The following CLCN6 variants were observed in gnomAD, a reference collection of about 807,000 sequenced individuals.
CLCN6 encodes H(+)/Cl(-) exchange transporter 6.
Under a neutral mutation model 109.8 loss-of-function variants are expected in CLCN6, and 70 were observed. That is an observed-to-expected ratio of 0.64 (90% CI 0.53 to 0.78). The LOEUF is 0.78. Ranked by LOEUF, CLCN6 falls within the 30% of genes least tolerant of loss-of-function variation. The probability of loss-of-function intolerance (pLI) is 0.00; values close to 1 mark genes in which losing one functional copy is unlikely to be tolerated. For missense variants in CLCN6, 984 were observed against 1,142.3 expected (o/e 0.86, Z 2.00); for synonymous variants, 444 against 447.8 (o/e 0.99, Z 0.11).
At chr1:11,816,068 C>A in intron 3 of CLCN6, 157 bp downstream of exon 3, 1 of 603,846 alleles carries the variant, frequency 1.7e-6, no homozygotes, top group South Asian at 2.1e-5. Context: ...TGCTTTATTT[C>A]ACCTCGCAGG....
At position 11,833,564 on chromosome 1, in the gene CLCN6, A is replaced by T; in HGVS notation, c.1298A>T (p.Asp433Val). Residue 433 changes from aspartate to valine, a missense_variant, in exon 14 of 23, where the codon GAT (aspartate) becomes GTT (valine). Asp to Val is a radical substitution (Grantham distance 152). Coordinates refer to ENST00000346436, the MANE Select transcript of CLCN6 (RefSeq NM_001286.5). ...SSIKTFFCPN[D>V]TYNDMATLFF... ...ATCAAGACATTTTTTTGTCCCAATGATACCTACAATGACATGGCCACACTC... is the reference window on the plus strand; with the variant it reads ...ATCAAGACATTTTTTTGTCCCAATGTTACCTACAATGACATGGCCACACTC... 6.2e-7 allele frequency: 1 copy of T among 1,613,928 alleles called. No homozygotes were observed.
chr1:11,823,035 G>C (rs899598291), intron 6 of CLCN6, among the ~76,000 whole-genome samples: 2 of 152,168 alleles, frequency 1.3e-5, no homozygotes, highest in Non-Finnish European at 2.9e-5. Flanking sequence ...AAAAAAGGGG[G>C]AAAGGGCTGA....
rs918288852 is a variant in CLCN6, at chr1:11,840,281, C to T, written c.*58C>T. 9.0e-6 allele frequency: 13 copies of T among 1,440,858 alleles called. No homozygotes were observed. The highest frequency in any genetic ancestry group is 2.3e-5 in the East Asian group (1 of 44,120). 89.3% of individuals were successfully genotyped at this position (1,440,858 alleles called of 1,614,324 possible). A position where few individuals can be genotyped will look rare whatever the true frequency, so the allele number is the denominator to read the frequency against. ...GGGAGGCAAATCATGCTCACTCCGG[C>T]GGGCACAGCTGGCTGGGGCTGTTCC... On this transcript the variant is annotated 3_prime_UTR_variant, in exon 23 of 23. Coordinates refer to ENST00000346436, the MANE Select transcript of CLCN6 (RefSeq NM_001286.5).
chr1:11,826,537 T>G (rs1481640684), intron 9 of CLCN6, among the ~76,000 whole-genome samples: 15 of 152,226 alleles, frequency 9.9e-5, no homozygotes. Flanking sequence ...ATTCACTTGG[T>G]CAGCCACCCT....
rs1437582268 is a variant in CLCN6, at chr1:11,833,908, CT to C, written c.1406del (p.Phe469SerfsTer34). The C allele has an allele frequency of 6.8e-6, 11 of 1,612,824 alleles. No homozygotes were observed. The highest frequency in any genetic ancestry group is 9.3e-6 in the Non-Finnish European group (11 of 1,179,730). ...TCAGCCCCGTCACTCTGGCCTTGTTCTTCGTTCTCTATTTCTTGCTTGCATG... is the reference window on the plus strand; with the variant it reads ...TCAGCCCCGTCACTCTGGCCTTGTTCTCGTTCTCTATTTCTTGCTTGCATG... ...TFSPVTLALFFVLYFLLACWT... is the reference protein window; with the variant it reads ...TFSPVTLALFXVLYFLLACWT... On this transcript the variant is annotated frameshift_variant, in exon 15 of 23. Transcript: ENST00000346436. LOFTEE classifies it high-confidence loss of function.
At position 11,834,332 on chromosome 1, in the gene CLCN6, G is replaced by T. The variant is rs778704963; in HGVS notation, c.1623G>T (p.Thr541=). The change falls in exon 16 of 23, where the codon ACG becomes ACT. Residue 541 remains threonine (T), a synonymous_variant. Transcript: ENST00000346436. This position sits in a 1 kb window ranked among gnomAD's most constrained non-coding sequence, Gnocchi z 4.5. ...GGVVRMTISL[T]VILIESTNEI... ...TGGTCCGCATGACCATCAGCCTCAC[G>T]GTCATCCTGATCGAGTCCACCAATG... 54 of 1,613,940 alleles carry T rather than the reference G, an allele frequency of 3.3e-5. No homozygotes were observed. Among genetic ancestry groups the T allele is most frequent in the Non-Finnish European group, 4.1e-5 (48 of 1,180,010 alleles).
At chr1:11,808,067 T>C (rs1362044597) in intron 2 of CLCN6, among the ~76,000 whole-genome samples, 1 of 152,210 alleles carries the variant, frequency 6.6e-6, no homozygotes, top group African/African-American at 2.4e-5. Context: ...ATGAAGGATT[T>C]CAACTATATG....
chr1:11,835,554 C>T (rs935270183), intron 17 of CLCN6, among the ~76,000 whole-genome samples: 3 of 152,156 alleles, frequency 2.0e-5, no homozygotes, highest in Admixed American at 6.5e-5. Context: ...GGATTACATG[C>T]GTGAGCCGCT....
At position 11,836,030 on chromosome 1, in the gene CLCN6, G is replaced by A; in HGVS notation, c.1857G>A (p.Gln619=). 1 of 1,613,984 alleles carries A rather than the reference G, an allele frequency of 6.2e-7. No homozygotes were observed. Among genetic ancestry groups the A allele is most frequent in the Non-Finnish European group, 8.5e-7 (1 of 1,180,000 alleles). The part of the protein sequence containing the change: ...LTYVYPHTRI[Q]SLVSILRTTV... ...ACGTCTACCCGCACACCCGCATCCA[G>A]TCTCTGGTGAGCATCCTGCGCACCA... Residue 619 remains glutamine, a synonymous_variant, in exon 18 of 23, where the codon CAG becomes CAA. Transcript: ENST00000346436.
At chr1:11,821,603 A>G (rs1371566378) in intron 5 of CLCN6, among the ~76,000 whole-genome samples, 1 of 152,216 alleles carries the variant, frequency 6.6e-6, no homozygotes, top group Non-Finnish European at 1.5e-5. Flanking sequence ...CAGAAAAACA[A>G]CAGATGGTCC....
intron 8 of CLCN6, among the ~76,000 whole-genome samples, chr1:11,825,779 C>T (rs1260153896): frequency 2.6e-5 from 4 of 152,170 alleles, no homozygotes; most frequent in Non-Finnish European, 4.4e-5. Context: ...TATGTCACCA[C>T]GCCTGGCTAA....
rs1644784928 is a variant in CLCN6 at position 11,824,388 on chromosome 1, T to C, written c.581-98T>C. The C allele has an allele frequency of 8.1e-6, 7 of 858,934 alleles. No individual in the cohort carries two copies. The Admixed American group carries it at 1.3e-4, about 16-fold the overall frequency. 53.2% of individuals were successfully genotyped at this position (858,934 alleles called of 1,614,324 possible). On this transcript the variant is annotated intron_variant, in intron 7 of 22. Coordinates refer to ENST00000346436, the MANE Select transcript of CLCN6 (RefSeq NM_001286.5). ...TCTTATAAAGTCTTAGGATCATCTC[T>C]GTTCAGTTGTCACGAGGAAGGTTTT... is the stretch of plus-strand genomic sequence containing the variant.
intron 5 of CLCN6, among the ~76,000 whole-genome samples, chr1:11,819,786 C>T (rs924333875): frequency 6.6e-5 from 10 of 152,196 alleles, no homozygotes; most frequent in African/African-American, 2.4e-4. Context: ...GATGCCTGTA[C>T]TCCCTAATCT....
At chr1:11,819,701 G>A in intron 5 of CLCN6, 147 bp downstream of exon 5, 1 of 694,072 alleles carries the variant, frequency 1.4e-6, no homozygotes, top group Non-Finnish European at 2.5e-6. Flanking sequence ...ATCACTGAAG[G>A]ACACAAAAGA....
Position 11,806,405 on chromosome 1 carries a change from A to G in CLCN6, c.87+56A>G, listed in dbSNP as rs1187980779. The G allele has an allele frequency of 2.9e-6, 4 of 1,388,544 alleles. No homozygotes were observed. In the Admixed American group the frequency reaches 1.1e-4, roughly 39 times the overall value. The allele number at this position is 1,388,544 out of a possible 1,614,324, so 86.0% of individuals were successfully genotyped here. A position where few individuals can be genotyped will look rare whatever the true frequency, so the allele number is the denominator to read the frequency against. ...GGGGCGGTTGCTAAGGGACTGAGAG[A>G]GGCGTTGCCGGGGGTGGGGCCGGGC... On this transcript the variant is annotated intron_variant, in intron 1 of 22. Coordinates refer to ENST00000346436, the MANE Select transcript of CLCN6 (RefSeq NM_001286.5).
intron 2 of CLCN6, among the ~76,000 whole-genome samples, chr1:11,812,000 A>C (rs538906053): frequency 1.6e-4 from 24 of 152,092 alleles, no homozygotes; most frequent in Admixed American, 1.6e-3. Flanking sequence ...TTGTTTCCCC[A>C]CTACTCAGGA....
rs1644906563 is a variant in CLCN6, at chr1:11,833,621, A to G, written c.1355A>G (p.Gln452Arg). Residue 452 changes from glutamine (Q) to arginine (R), a missense_variant, in exon 14 of 23, where the codon CAG (glutamine) becomes CGG (arginine). Gln to Arg is a conservative substitution (Grantham distance 43, BLOSUM62 1). Coordinates refer to ENST00000346436, the MANE Select transcript of CLCN6 (RefSeq NM_001286.5). ...FFNPQESAIL[Q>R]LFHQDGTFSP... is the part of the protein sequence containing the mutation. ...AACCCGCAGGAGTCTGCCATCCTCC[A>G]GCTCTTCCACCAGGATGGTGAGTGT... The G allele has an allele frequency of 6.2e-7, 1 of 1,613,754 alleles. No individual in the cohort carries two copies. The highest frequency in any genetic ancestry group is 8.5e-7 in the Non-Finnish European group (1 of 1,180,026).
At chr1:11,828,405 G>C (rs1374788548) in intron 11 of CLCN6, 53 bp from the exon 12 acceptor site, 1 of 1,604,506 alleles carries the variant, frequency 6.2e-7, no homozygotes, top group Non-Finnish European at 8.5e-7. Context: ...GTCTCTTCCG[G>C]TTCTCATGGC....
chr1:11,818,109 A>G (rs1320352113), intron 4 of CLCN6, among the ~76,000 whole-genome samples: 1 of 152,070 alleles, frequency 6.6e-6, no homozygotes, highest in Admixed American at 6.6e-5. Flanking sequence ...AAAAATAAAA[A>G]AAAAATTAAA....
Sources: gnomAD v4.1 joint callset for allele counts (sites outside exome capture counted in the v4.1 genomes callset) on GRCh38, gnomAD v4.1.1 for gene constraint, Gnocchi (gnomAD v3.1) non-coding constraint, MANE v1.5 for transcripts, NCBI Gene and HGNC (gene_info 2026-07-23, HGNC 2026-07-21) for gene names.